Variants in C11orf65 observed in about 807,000 individuals in gnomAD.
C11orf65 encodes the protein chromosome 11 open reading frame 65.
C11orf65 carries 38 observed loss-of-function variants against 35.3 expected under a neutral mutation model. That is an observed-to-expected ratio of 1.08 (90% CI 0.83 to 1.41). The LOEUF is 1.41. Among genes scored for constraint, C11orf65 ranks in the 40% most tolerant of loss-of-function variants. C11orf65 has a pLI of 0.00. For synonymous variants in C11orf65, 105 were observed against 114.4 expected, an observed-to-expected ratio of 0.92 and a Z score of 0.53; for missense variants, 370 against 367.1, an observed-to-expected ratio of 1.01 and a Z score of -0.06.
At chr11:108,341,342 C>T (rs1246092497) in intron 2 of C11orf65, among the ~76,000 whole-genome samples, 1 of 152,106 alleles carries the variant, frequency 6.6e-6, no homozygotes, top group African/African-American at 2.4e-5. Flanking sequence ...TGCCATTACC[C>T]ACTTTCTCTC....
upstream of C11orf65, among the ~76,000 whole-genome samples, chr11:108,469,285 T>A (rs2093563501): frequency 6.6e-6 from 1 of 151,610 alleles, no homozygotes; most frequent in African/African-American, 2.4e-5. Flanking sequence ...AATTGTACAA[T>A]TGAAACTAGT....
chr11:108,415,136 C>G (rs1229457177), intron 3 of C11orf65, among the ~76,000 whole-genome samples: 1 of 152,014 alleles, frequency 6.6e-6, no homozygotes, highest in Non-Finnish European at 1.5e-5. Flanking sequence ...TATTCAACAT[C>G]ACACTGGAAG....
At chr11:108,323,866 C>A (rs900428186) in intron 6 of C11orf65, among the ~76,000 whole-genome samples, 1 of 152,034 alleles carries the variant, frequency 6.6e-6, no homozygotes. Flanking sequence ...TAAATAATAA[C>A]AAACTAAATG....
At position 108,345,889 on chromosome 11, in the gene C11orf65, T is replaced by G. The variant is rs780905851; in HGVS notation, c.227-10597A>C. ...AGAAGCGATTGGCTTATACGCGCAG[T>G]GTAGCTACTTCTTCTATTGGTAATC... is the stretch of plus-strand genomic sequence containing the variant. On this transcript the variant is annotated intron_variant, in intron 2 of 3. Coordinates refer to the C11orf65 transcript ENST00000524755. The G allele has an allele frequency of 1.9e-6, 3 of 1,613,776 alleles. No individual in the cohort carries two copies. Among genetic ancestry groups the G allele is most frequent in the South Asian group, 1.1e-5 (1 of 91,072 alleles).
intron 2 of C11orf65, among the ~76,000 whole-genome samples, chr11:108,360,851 G>C (rs1417575957): frequency 1.7e-4 from 17 of 101,192 alleles, no homozygotes; most frequent in South Asian, 7.9e-4. Flanking sequence ...TACTGAATGG[G>C]CAAAAACTGG....
chr11:108,445,266 C>T (rs1187882167), intron 2 of C11orf65, among the ~76,000 whole-genome samples: 1 of 152,174 alleles, frequency 6.6e-6, no homozygotes, highest in Non-Finnish European at 1.5e-5. Flanking sequence ...AGTGGTTCTC[C>T]CAGCATGCAG....
At chr11:108,459,725 C>T (rs1475176964) in intron 2 of C11orf65, among the ~76,000 whole-genome samples, 1 of 70,296 alleles carries the variant, frequency 1.4e-5, no homozygotes, top group Non-Finnish European at 3.1e-5. Context: ...TGTCCTCCGT[C>T]TACACACACA....
chr11:108,421,287 C>T (rs1156597803), intron 3 of C11orf65, among the ~76,000 whole-genome samples: 1 of 152,126 alleles, frequency 6.6e-6, no homozygotes, highest in Non-Finnish European at 1.5e-5. Flanking sequence ...TGGCCCATCC[C>T]TGTGATGGCA....
rs576458757 is a variant in C11orf65, at chr11:108,337,221, C to A, written c.227-1929G>T. On this transcript the variant is annotated intron_variant, in intron 2 of 3. Coordinates refer to the C11orf65 transcript ENST00000524755. ...TAAAACTTATTGGTTGGGAGAGGGGCATACTGTTCATTAAGGAAAGCACAA... is the reference window on the plus strand; with the variant it reads ...TAAAACTTATTGGTTGGGAGAGGGGAATACTGTTCATTAAGGAAAGCACAA... 2.6e-5 allele frequency among the ~76,000 whole-genome samples: 4 copies of A among 152,242 alleles called. No homozygotes were observed. In the South Asian group the frequency reaches 6.2e-4, roughly 24 times the overall value.
rs1591184384 is a variant in C11orf65, at chr11:108,333,924, C to G, written c.299+1296G>C. 1.2e-6 allele frequency: 2 copies of G among 1,611,494 alleles called. No homozygotes were observed. The highest frequency in any genetic ancestry group is 1.7e-6 in the Non-Finnish European group (2 of 1,177,690). ...TCCAGCAGACCAGCCAATTACTAAA[C>G]TTAAGAATTTAGAAGATGTTGTTGT... On this transcript the variant is annotated intron_variant, in intron 3 of 3. Transcript: ENST00000524755.
At chr11:108,465,713 G>A (rs1346809148) in intron 1 of C11orf65, among the ~76,000 whole-genome samples, 9 of 151,764 alleles carry the variant, frequency 5.9e-5, no homozygotes, top group African/African-American at 1.2e-4. Context: ...GGCTGGGCGC[G>A]GTGGCTCACG....
chr11:108,429,025 T>C (rs1311669537), intron 3 of C11orf65, among the ~76,000 whole-genome samples: 2 of 152,108 alleles, frequency 1.3e-5, no homozygotes, highest in Non-Finnish European at 2.9e-5. Flanking sequence ...CATGTGCCTG[T>C]TGCTCCAGCT....
chr11:108,445,543 G>A (rs1012881678), intron 2 of C11orf65, among the ~76,000 whole-genome samples: 7 of 152,088 alleles, frequency 4.6e-5, no homozygotes, highest in Non-Finnish European at 7.4e-5. Flanking sequence ...AAACTCCAAC[G>A]GACCTGTAGC....
chr11:108,378,477 A>C (rs2091785879), downstream of C11orf65, among the ~76,000 whole-genome samples: 1 of 132,262 alleles, frequency 7.6e-6, no homozygotes, highest in African/African-American at 3.1e-5. Context: ...TACAAAAATT[A>C]ATTCAGGATG....
chr11:108,350,783 G>A (rs1470433940), intron 2 of C11orf65, among the ~76,000 whole-genome samples: 1 of 152,140 alleles, frequency 6.6e-6, no homozygotes, highest in African/African-American at 2.4e-5. Context: ...CAAATTAGAG[G>A]TAGGAGTATG....
intron 2 of C11orf65, among the ~76,000 whole-genome samples, chr11:108,342,952 A>G (rs1162103152): frequency 1.3e-5 from 2 of 152,188 alleles, no homozygotes; most frequent in Non-Finnish European, 2.9e-5. Context: ...GACGGTGAGT[A>G]TAGTTAACAG....
chr11:108,371,711 C>T (rs1382796757), intron 2 of C11orf65, among the ~76,000 whole-genome samples: 1 of 152,104 alleles, frequency 6.6e-6, no homozygotes, highest in Non-Finnish European at 1.5e-5. Flanking sequence ...CATGGGTATA[C>T]AAATATGTCT....
At chr11:108,327,837 C>G (rs2085839289), downstream of C11orf65, 2 of 1,101,138 alleles carry the variant, frequency 1.8e-6, no homozygotes, top group African/African-American at 3.1e-5. Flanking sequence ...CAATATATTT[C>G]CAAAGCAAAT....
At chr11:108,359,772 G>C (rs2137599611) in intron 2 of C11orf65, among the ~76,000 whole-genome samples, 1 of 152,190 alleles carries the variant, frequency 6.6e-6, no homozygotes, top group African/African-American at 2.4e-5. Context: ...CAACGTACCA[G>C]AATCTCTGGG....
Sources: allele counts gnomAD v4.1 joint callset (sites outside exome capture counted in the v4.1 genomes callset), GRCh38; gene constraint gnomAD v4.1.1; transcripts MANE v1.5; gene names NCBI Gene and HGNC (gene_info 2026-07-23, HGNC 2026-07-21).